The following OFD1 variants were observed in gnomAD, a reference collection of about 807,000 sequenced individuals.
OFD1 encodes OFD1 centriole and centriolar satellite protein, also known as centriole and centriolar satellite protein OFD1.
In OFD1, 12 loss-of-function variants were observed where a neutral mutation model predicts 81.4. The ratio of observed to expected loss-of-function variants is 0.15; its 90% CI spans 0.09 to 0.24. The LOEUF (loss-of-function observed/expected upper bound fraction) is 0.24, where lower values mean the gene tolerates loss of function less well. OFD1 is among the 10% of genes least tolerant of loss of function. The pLI is 1.00. For synonymous variants in OFD1, 256 were observed against 263.7 expected (o/e 0.97, Z 0.28); for missense variants, 685 against 733.9 (o/e 0.93, Z 0.77).
chrX:13,719,686 T>C, the OFD1 span, among the ~76,000 whole-genome samples: 1 of 111,826 alleles, frequency 8.9e-6, no homozygotes, highest in African/African-American at 3.3e-5. Context: ...TGCTAGTCTG[T>C]GCTGAACTAA....
At chrX:13,740,972 A>G (rs912513702) in intron 5 of OFD1, among the ~76,000 whole-genome samples, 6 of 107,989 alleles carry the variant, frequency 5.6e-5, no homozygotes, top group African/African-American at 2.0e-4. Context: ...CCCCGTCTCT[A>G]CTAAAATACA....
At chrX:13,762,487 T>A in intron 18 of OFD1, 43 bp downstream of exon 18, 1 of 854,218 alleles carries the variant, frequency 1.2e-6, no homozygotes, top group Non-Finnish European at 1.7e-6. Flanking sequence ...GTTGAAAATC[T>A]AGAAAGCTTA....
chrX:13,751,208 T>A, intron 9 of OFD1, 41 bp from the exon 10 acceptor site: 1 of 1,181,055 alleles, frequency 8.5e-7, no homozygotes, highest in Non-Finnish European at 1.1e-6. Context: ...TTAGCTCAGC[T>A]ATGGTAGTTT....
At chrX:13,728,002 G>C in the OFD1 span, among the ~76,000 whole-genome samples, 2 of 112,157 alleles carry the variant, frequency 1.8e-5, no homozygotes, top group African/African-American at 6.5e-5. Context: ...AAATCTAGAA[G>C]AAATGGATAA....
chrX:13,735,484 A>G lies in OFD1; in HGVS notation c.111+138A>G, dbSNP rs1046113737. 8 of 528,503 alleles carry G rather than the reference A, an allele frequency of 1.5e-5. No individual in the cohort carries two copies. The African/African-American group carries it at 1.6e-4, about 11-fold the overall frequency. The allele number at this position is 528,503 out of a possible 1,213,427, so 43.6% of individuals were successfully genotyped here. ...GGTGAATTACATTTTTATATTCCCGAATAACTCTGTATCCTGAAACATTAC... is the reference window on the plus strand; with the variant it reads ...GGTGAATTACATTTTTATATTCCCGGATAACTCTGTATCCTGAAACATTAC... On this transcript the variant is annotated intron_variant, in intron 2 of 22. Transcript: ENST00000340096.
At chrX:13,739,296 C>CAA (rs751700372) in intron 5 of OFD1, 946 of 112,040 alleles carry the variant, frequency 8.4e-3, no homozygotes, top group Non-Finnish European at 9.3e-3. Context: ...AATATTTCTG[C>CAA]AAAAAAAAAA....
the OFD1 span, chrX:13,720,027 A>T: frequency 1.1e-6 from 1 of 880,249 alleles, no homozygotes; most frequent in Non-Finnish European, 1.5e-6. Flanking sequence ...GTCAATCTTC[A>T]AATTAAAAAA....
chrX:13,754,082 C>T (rs1400564674), intron 11 of OFD1, among the ~76,000 whole-genome samples: 1 of 109,903 alleles, frequency 9.1e-6, no homozygotes, highest in African/African-American at 3.3e-5. Flanking sequence ...CCCAGGTTCA[C>T]GCCATTCTTC....
intron 16 of OFD1, 59 bp from the exon 17 acceptor site, chrX:13,761,026 G>A (rs1388885947): frequency 2.5e-6 from 3 of 1,192,146 alleles, no homozygotes; most frequent in African/African-American, 3.5e-5. Flanking sequence ...TAGAAACCAC[G>A]TTGGTATCTT....
At chrX:13,753,984 AT>A (rs772659719) in intron 11 of OFD1, among the ~76,000 whole-genome samples, 114 of 101,442 alleles carry the variant, frequency 1.1e-3, no homozygotes, top group Admixed American at 1.3e-3. Flanking sequence ...ATTTCAGTGT[AT>A]TTTTTTTTTT....
Position 13,755,193 on chromosome X carries a change from C to T in OFD1, c.1172C>T (p.Ser391Leu), listed in dbSNP as rs1376766768. 38 of 1,205,529 alleles carry T rather than the reference C, an allele frequency of 3.2e-5. No individual in the cohort carries two copies. Among genetic ancestry groups the T allele is most frequent in the Non-Finnish European group, 4.2e-5 (37 of 890,729 alleles). The change falls in exon 12 of 23, where the codon TCA (serine) becomes TTA (leucine). Residue 391 changes from serine to leucine, a missense_variant. This residue lies in a region of OFD1 where 414 missense variants were observed against 447.2 expected (regional missense o/e 0.93). Transcript: ENST00000340096. ...HLQEELIAIN[S>L]KKEELNQSVN... ...CAAGAGGAGCTCATAGCTATTAATT[C>T]AAAAAAGGAGGAACTCAATCAATCT...
At chrX:13,758,556 A>G (rs1008012992) in intron 15 of OFD1, 108 bp downstream of exon 15, 1 of 491,998 alleles carries the variant, frequency 2.0e-6, no homozygotes, top group Non-Finnish European at 3.5e-6. Flanking sequence ...TTTTAGGGGA[A>G]AAGCCATAGA....
chrX:13,715,686 T>C, the OFD1 span: 5 of 421,025 alleles, frequency 1.2e-5, no homozygotes, highest in South Asian at 5.3e-4. Flanking sequence ...GAAGTAATTT[T>C]CCCTTATATA....
At chrX:13,745,277 A>G (rs1300467278) in intron 6 of OFD1, among the ~76,000 whole-genome samples, 1 of 112,667 alleles carries the variant, frequency 8.9e-6, no homozygotes, top group Non-Finnish European at 1.9e-5. Context: ...AGCCACATAC[A>G]TAATTTTAAA....
At chrX:13,731,112 A>G (rs747064796), upstream of OFD1, among the ~76,000 whole-genome samples, 2 of 112,493 alleles carry the variant, frequency 1.8e-5, no homozygotes, top group African/African-American at 6.5e-5. Flanking sequence ...AATCCAAGTC[A>G]TCAGGTCCTG....
chrX:13,770,548 T>C (rs1319188768), downstream of OFD1, among the ~76,000 whole-genome samples: 1 of 112,729 alleles, frequency 8.9e-6, no homozygotes, highest in Non-Finnish European at 1.9e-5. Flanking sequence ...GGTTTTTTTG[T>C]ATTCCAGAGT....
At chrX:13,735,179 A>T in intron 1 of OFD1, 69 bp from the exon 2 acceptor site, 8 of 1,197,328 alleles carry the variant, frequency 6.7e-6, no homozygotes, top group Non-Finnish European at 7.9e-6. Context: ...CCCGGAGGCC[A>T]CTGGTCTGTT....
the OFD1 span, among the ~76,000 whole-genome samples, chrX:13,724,981 C>T: frequency 3.5e-5 from 4 of 113,313 alleles, no homozygotes; most frequent in Non-Finnish European, 7.5e-5. Context: ...CCCACGCCCA[C>T]GGAGCCTTGC....
intron 18 of OFD1, 43 bp from the exon 19 acceptor site, chrX:13,763,702 G>T: frequency 4.8e-6 from 5 of 1,050,246 alleles, no homozygotes; most frequent in Non-Finnish European, 5.3e-6. Context: ...CTTTGTCTTG[G>T]TGTTATTATT....
Sources: allele counts gnomAD v4.1 joint callset (sites outside exome capture counted in the v4.1 genomes callset), GRCh38; gene constraint gnomAD v4.1.1; regional missense constraint gnomAD v4.1.1; transcripts MANE v1.5; gene names NCBI Gene and HGNC (gene_info 2026-07-23, HGNC 2026-07-21).